Variants in PTPRN2 observed in about 807,000 individuals in gnomAD.
PTPRN2 encodes the protein protein tyrosine phosphatase receptor type N2, also known as receptor-type tyrosine-protein phosphatase N2.
Under a neutral mutation model 118.8 loss-of-function variants are expected in PTPRN2, and 74 were observed. The ratio of observed to expected loss-of-function variants is 0.62; its 90% CI spans 0.52 to 0.76. PTPRN2 has a LOEUF of 0.76. Among genes scored for constraint, PTPRN2 ranks in the 30% least tolerant of loss-of-function variants. The probability of loss-of-function intolerance (pLI) is 0.00; values close to 1 mark genes in which losing one functional copy is unlikely to be tolerated. For missense variants in PTPRN2, 1,481 were observed against 1,394.4 expected (o/e 1.06, Z -0.99); for synonymous variants, 641 against 608.0 (o/e 1.05, Z -0.80).
chr7:158,406,835 T>A (rs1813484780), intron 2 of PTPRN2, among the ~76,000 whole-genome samples: 1 of 152,216 alleles, frequency 6.6e-6, no homozygotes, highest in African/African-American at 2.4e-5. Flanking sequence ...TCTGCTGTTA[T>A]AAACAGACCC....
intron 12 of PTPRN2, among the ~76,000 whole-genome samples, chr7:157,836,192 C>T (rs539379596): frequency 1.3e-5 from 2 of 152,194 alleles, no homozygotes; most frequent in African/African-American, 4.8e-5. Flanking sequence ...AAGATGCTAT[C>T]GTTTGCCCTA....
intron 2 of PTPRN2, among the ~76,000 whole-genome samples, chr7:158,453,063 ACGTAGGGGAAT>A: frequency 4.6e-5 from 7 of 151,970 alleles, no homozygotes; most frequent in Admixed American, 1.3e-4. Flanking sequence ...CACAGCCTGG[ACGTAGGGGAAT>A]TGAAAGAGGA....
At chr7:158,446,480 C>CA (rs942940144) in intron 2 of PTPRN2, among the ~76,000 whole-genome samples, 3 of 152,002 alleles carry the variant, frequency 2.0e-5, no homozygotes, top group Non-Finnish European at 4.4e-5. Flanking sequence ...CCAGGCTCTG[C>CA]AATGGACACA....
At chr7:157,776,344 TCC>T (rs1422034680) in intron 12 of PTPRN2, among the ~76,000 whole-genome samples, 17 of 82,556 alleles carry the variant, frequency 2.1e-4, no homozygotes, top group African/African-American at 8.3e-4. Flanking sequence ...CTCCTCCTCC[TCC>T]TTCTCCTCTT....
chr7:157,870,940 GT>G (rs1811010103), intron 12 of PTPRN2, among the ~76,000 whole-genome samples: 1 of 152,216 alleles, frequency 6.6e-6, no homozygotes, highest in Non-Finnish European at 1.5e-5. Flanking sequence ...ATAGCTTTGG[GT>G]TTATTGGGCG....
chr7:158,305,342 T>G (rs1205771664), intron 3 of PTPRN2, among the ~76,000 whole-genome samples: 1 of 152,100 alleles, frequency 6.6e-6, no homozygotes, highest in Non-Finnish European at 1.5e-5. Flanking sequence ...AAAATAGGGA[T>G]TCATTTTTAT....
chr7:158,085,005 C>T (rs1457703927), intron 10 of PTPRN2, among the ~76,000 whole-genome samples: 3 of 136,996 alleles, frequency 2.2e-5, no homozygotes, highest in Non-Finnish European at 4.7e-5. Context: ...CCATACACTC[C>T]GACACCCATC....
chr7:158,446,499 C>A (rs1332987369), intron 2 of PTPRN2, among the ~76,000 whole-genome samples: 2 of 151,430 alleles, frequency 1.3e-5, no homozygotes, highest in Middle Eastern at 3.2e-3. Context: ...CACGGAGACC[C>A]ACCCGAGCCA....
At chr7:158,497,223 C>T (rs533831367) in intron 1 of PTPRN2, among the ~76,000 whole-genome samples, 2 of 103,524 alleles carry the variant, frequency 1.9e-5, no homozygotes, top group East Asian at 2.9e-4. Flanking sequence ...TTGTTCCCTG[C>T]GCCCCTCCCC....
rs115767584 is a variant in PTPRN2, at chr7:158,491,291, C to T, written c.113-1506G>A. 2.9e-3 allele frequency among the ~76,000 whole-genome samples: 441 copies of T among 152,304 alleles called. 4 individuals carry two copies. The highest frequency in any genetic ancestry group is 1.0e-2 in the African/African-American group (414 of 41,566). ...GGCGGCCCCTGGCTGGGATCTGCTTCCTCCCAGGAGGTGGCCTAGGTGCAG... is the reference window on the plus strand; with the variant it reads ...GGCGGCCCCTGGCTGGGATCTGCTTTCTCCCAGGAGGTGGCCTAGGTGCAG... On this transcript the variant is annotated intron_variant, in intron 1 of 22. Coordinates refer to ENST00000389418, the MANE Select transcript of PTPRN2 (RefSeq NM_002847.5).
intron 11 of PTPRN2, among the ~76,000 whole-genome samples, chr7:158,060,985 A>T (rs961749454): frequency 6.6e-6 from 1 of 152,244 alleles, no homozygotes; most frequent in South Asian, 2.1e-4. Flanking sequence ...ACATTCTATC[A>T]AACTGACATT....
chr7:158,035,333 A>G (rs1036293451), intron 11 of PTPRN2, among the ~76,000 whole-genome samples: 1 of 152,234 alleles, frequency 6.6e-6, no homozygotes, highest in Non-Finnish European at 1.5e-5. Context: ...TAAATACTGT[A>G]AATAAAAAGG....
intron 11 of PTPRN2, among the ~76,000 whole-genome samples, chr7:157,935,619 T>C (rs949651597): frequency 2.6e-4 from 40 of 152,242 alleles, no homozygotes; most frequent in African/African-American, 8.7e-4. Flanking sequence ...CATTGGGACT[T>C]TCTTTTCTCT....
At chr7:157,612,929 G>A (rs1204943819) in intron 15 of PTPRN2, among the ~76,000 whole-genome samples, 1 of 152,142 alleles carries the variant, frequency 6.6e-6, no homozygotes, top group African/African-American at 2.4e-5. Context: ...GGCAGCCGAA[G>A]GCCCCGCCTC....
chr7:158,085,474 C>G (rs1399271668), intron 10 of PTPRN2, among the ~76,000 whole-genome samples: 1 of 119,492 alleles, frequency 8.4e-6, no homozygotes, highest in Non-Finnish European at 1.7e-5. Context: ...CTCCGACACC[C>G]ATCCACACCC....
chr7:157,795,979 A>G (rs1804846593), intron 12 of PTPRN2, among the ~76,000 whole-genome samples: 2 of 152,208 alleles, frequency 1.3e-5, no homozygotes. Flanking sequence ...GCCGAGGCGA[A>G]CTTGGGAGAG....
At chr7:158,523,585 G>A in intron 1 of PTPRN2, among the ~76,000 whole-genome samples, 4 of 129,166 alleles carry the variant, frequency 3.1e-5, no homozygotes, top group African/African-American at 1.2e-4. Context: ...GCCCTGGAGT[G>A]GAGTCATCTG....
chr7:158,407,312 GGTCCTGGGTCCTGC>G (rs1813622838), intron 2 of PTPRN2, among the ~76,000 whole-genome samples: 2 of 102,816 alleles, frequency 1.9e-5, no homozygotes, highest in Non-Finnish European at 3.9e-5. Flanking sequence ...CTGGGTCCTG[GGTCCTGGGTCCTGC>G]GTCCTGGGTC....
rs1326950475 is a variant in PTPRN2 at position 157,874,875 on chromosome 7, A to T, written c.1788+23798T>A. On this transcript the variant is annotated intron_variant, in intron 12 of 22. Coordinates refer to ENST00000389418, the MANE Select transcript of PTPRN2 (RefSeq NM_002847.5). This position sits in a 1 kb window ranked among gnomAD's most constrained non-coding sequence, Gnocchi z 5.8. ...CACACGGAGACACACTCGTGCACATACACACACGGAGACACACTCGTGCAC... is the reference window on the plus strand; with the variant it reads ...CACACGGAGACACACTCGTGCACATTCACACACGGAGACACACTCGTGCAC... Among the ~76,000 whole-genome samples, 1 of 151,094 alleles carries T rather than the reference A, an allele frequency of 6.6e-6. No homozygotes were observed. Among genetic ancestry groups the T allele is most frequent in the African/African-American group, 2.4e-5 (1 of 41,284 alleles).
Sources: allele counts gnomAD v4.1 joint callset (sites outside exome capture counted in the v4.1 genomes callset), GRCh38; gene constraint gnomAD v4.1.1; non-coding constraint Gnocchi (gnomAD v3.1); transcripts MANE v1.5; gene names NCBI Gene and HGNC (gene_info 2026-07-23, HGNC 2026-07-21).